PLCB4: variants seen among roughly 807,000 people sequenced by gnomAD.
The protein encoded by PLCB4 is phospholipase C beta 4.
Under a neutral mutation model 178.8 loss-of-function variants are expected in PLCB4, and 77 were observed. That is an observed-to-expected ratio of 0.43 (90% CI 0.36 to 0.52). The LOEUF is 0.52. Among genes scored for constraint, PLCB4 ranks in the 20% least tolerant of loss-of-function variants. The pLI is 0.00. For synonymous variants in PLCB4, 496 were observed against 490.8 expected, an observed-to-expected ratio of 1.01 and a Z score of -0.14; for missense variants, 1,024 against 1,453.4, an observed-to-expected ratio of 0.70 and a Z score of 4.80.
Position 9,421,329 on chromosome 20 carries a change from A to T in PLCB4, c.2187A>T (p.Lys729Asn). The change falls in exon 27 of 40, where the codon AAA becomes AAT. Residue 729 changes from lysine (K) to asparagine (N), a missense_variant. Lys to Asn is a moderately conservative substitution (Grantham distance 94). Transcript: ENST00000378473. ...VISGQFLSDK[K>N]IGTYVEVDMY... is the part of the protein sequence containing the mutation. ...CAGGTCAATTCTTATCAGATAAGAA[A>T]ATTGGCACCTACGTAGAGGTGGATA... The T allele has an allele frequency of 2.5e-6, 4 of 1,613,824 alleles. No homozygotes were observed. Among genetic ancestry groups the T allele is most frequent in the Non-Finnish European group, 3.4e-6 (4 of 1,179,786 alleles).
intron 2 of PLCB4, among the ~76,000 whole-genome samples, chr20:9,195,055 G>T (rs1420233866): frequency 6.6e-6 from 1 of 152,136 alleles, no homozygotes; most frequent in Non-Finnish European, 1.5e-5. Flanking sequence ...TTCATTTTTA[G>T]TCCAATTTTA....
rs758233650 is a variant in PLCB4 at position 9,438,594 on chromosome 20, A to T, written c.2764+1442A>T. Among the ~76,000 whole-genome samples the T allele has an allele frequency of 2.0e-5, 3 of 152,148 alleles. No homozygotes were observed. In the South Asian group the frequency reaches 6.2e-4, roughly 32 times the overall value. ...CTGTTGCTGATACATCTGGGCAGAA[A>T]TATGCAATTACCAAATCTATATCAG... On this transcript the variant is annotated intron_variant, in intron 30 of 39. Transcript: ENST00000378473.
chr20:9,368,862 G>A (rs1400298780), intron 9 of PLCB4, among the ~76,000 whole-genome samples: 1 of 152,122 alleles, frequency 6.6e-6, no homozygotes, highest in Non-Finnish European at 1.5e-5. Context: ...TTTCTTTTGG[G>A]GAATGGGGGT....
chr20:9,456,627 G>A (rs564271606), intron 33 of PLCB4, among the ~76,000 whole-genome samples: 19 of 152,220 alleles, frequency 1.2e-4, no homozygotes, highest in African/African-American at 4.1e-4. Context: ...GGAATGTTTC[G>A]GCAGTGCTGC....
At position 9,421,331 on chromosome 20, in the gene PLCB4, T is replaced by C; in HGVS notation, c.2189T>C (p.Ile730Thr). The C allele has an allele frequency of 6.2e-7, 1 of 1,613,794 alleles. No homozygotes were observed. The highest frequency in any genetic ancestry group is 8.5e-7 in the Non-Finnish European group (1 of 1,179,778). The change falls in exon 27 of 40, where the codon ATT (isoleucine) becomes ACT (threonine). Residue 730 changes from isoleucine to threonine, a missense_variant. By Grantham distance (89) the Ile-to-Thr change is moderately conservative. Transcript: ENST00000378473. ...GGTCAATTCTTATCAGATAAGAAAA[T>C]TGGCACCTACGTAGAGGTGGATATG... ...ISGQFLSDKKIGTYVEVDMYG... is the reference protein window; with the variant it reads ...ISGQFLSDKKTGTYVEVDMYG...
intron 7 of PLCB4, among the ~76,000 whole-genome samples, chr20:9,342,230 G>A (rs148358486): frequency 2.1e-4 from 32 of 152,178 alleles, no homozygotes; most frequent in African/African-American, 7.0e-4. Context: ...AGCCATCAAA[G>A]TGAAAGTCTT....
intron 2 of PLCB4, among the ~76,000 whole-genome samples, chr20:9,199,475 C>T (rs188396600): frequency 1.3e-4 from 20 of 152,304 alleles, no homozygotes; most frequent in African/African-American, 3.6e-4. Context: ...ATGTTCCCAT[C>T]ACTGATGGAA....
intron 3 of PLCB4, among the ~76,000 whole-genome samples, chr20:9,246,297 C>T (rs1240690004): frequency 6.6e-6 from 1 of 152,116 alleles, no homozygotes; most frequent in African/African-American, 2.4e-5. Flanking sequence ...TTCTCCCTTA[C>T]CACTATACAT....
At chr20:9,380,285 A>AT (rs951947332) in intron 13 of PLCB4, 123 bp downstream of exon 13, 966 of 516,178 alleles carry the variant, frequency 1.9e-3, no homozygotes, top group South Asian at 2.8e-3. Flanking sequence ...ATTGATGACT[A>AT]TTTTTTTTTC....
rs189341047 is a variant in PLCB4 at position 9,475,528 on chromosome 20, G to A, written c.3496-1189G>A. ...CTGACACTTTGAGTCACAAAAGCTT[G>A]GGAAAGCATAGAACATGAAAAGGCT... On this transcript the variant is annotated intron_variant, in intron 38 of 39. Coordinates refer to ENST00000378473, the MANE Select transcript of PLCB4 (RefSeq NM_001377142.1). 3.2e-4 allele frequency among the ~76,000 whole-genome samples: 48 copies of A among 152,246 alleles called. 1 individual carries two copies. The East Asian group carries it at 8.3e-3, about 26-fold the overall frequency.
intron 2 of PLCB4, among the ~76,000 whole-genome samples, chr20:9,201,705 T>C (rs955002564): frequency 2.0e-5 from 3 of 152,158 alleles, no homozygotes; most frequent in Non-Finnish European, 4.4e-5. Context: ...CCTATGAGCA[T>C]GGCTAAAATA....
chr20:9,391,821 C>T lies in PLCB4; in HGVS notation c.1323+1206C>T, dbSNP rs543975620. On this transcript the variant is annotated intron_variant, in intron 17 of 39. Coordinates refer to ENST00000378473, the MANE Select transcript of PLCB4 (RefSeq NM_001377142.1). Reference sequence around the variant, plus strand: ...CCCCTATCCCATGCTTCATCCCTCCCGAGGTGGGATAACCCTGAGCACCTG... The same window carrying T: ...CCCCTATCCCATGCTTCATCCCTCCTGAGGTGGGATAACCCTGAGCACCTG... Among the ~76,000 whole-genome samples, 6 of 152,282 alleles carry T rather than the reference C, an allele frequency of 3.9e-5. No homozygotes were observed. In the East Asian group the frequency reaches 1.2e-3, roughly 29 times the overall value.
At chr20:9,330,728 C>A (rs1045896249) in intron 4 of PLCB4, among the ~76,000 whole-genome samples, 47 of 152,232 alleles carry the variant, frequency 3.1e-4, no homozygotes, top group African/African-American at 1.1e-3. Flanking sequence ...GCATTACCCA[C>A]ATTTCAAGTG....
chr20:9,416,457 A>ATGCT (rs1329898707), intron 25 of PLCB4, among the ~76,000 whole-genome samples: 1 of 152,106 alleles, frequency 6.6e-6, no homozygotes, highest in East Asian at 1.9e-4. Context: ...TGGGGTCCAA[A>ATGCT]TGCTGCCTGT....
At chr20:9,238,592 G>A (rs2094020510) in intron 3 of PLCB4, among the ~76,000 whole-genome samples, 1 of 152,174 alleles carries the variant, frequency 6.6e-6, no homozygotes, top group Non-Finnish European at 1.5e-5. Flanking sequence ...TTTTGATACT[G>A]CAATACCTGT....
At chr20:9,113,633 T>C (rs1342383944) in intron 2 of PLCB4, among the ~76,000 whole-genome samples, 1 of 152,180 alleles carries the variant, frequency 6.6e-6, no homozygotes, top group Non-Finnish European at 1.5e-5. Flanking sequence ...AAATGCTAAA[T>C]TTTATTTGTG....
intron 28 of PLCB4, 90 bp from the exon 29 acceptor site, chr20:9,435,470 T>G: frequency 1.3e-6 from 1 of 761,498 alleles, no homozygotes; most frequent in Non-Finnish European, 2.3e-6. Flanking sequence ...ACAACAGGTA[T>G]CCAGGATTGT....
intron 30 of PLCB4, among the ~76,000 whole-genome samples, chr20:9,440,354 T>A (rs577043885): frequency 6.6e-6 from 1 of 152,222 alleles, no homozygotes; most frequent in Non-Finnish European, 1.5e-5. Context: ...TTCGTGTAAC[T>A]TATTAAATGC....
At chr20:9,200,509 C>T (rs189252141) in intron 2 of PLCB4, among the ~76,000 whole-genome samples, 4 of 152,282 alleles carry the variant, frequency 2.6e-5, no homozygotes, top group Non-Finnish European at 5.9e-5. Context: ...TAGGTCAGAC[C>T]AGGCAACTAC....
Sources: gnomAD v4.1 joint callset for allele counts (sites outside exome capture counted in the v4.1 genomes callset) on GRCh38, gnomAD v4.1.1 for gene constraint, MANE v1.5 for transcripts, NCBI Gene and HGNC (gene_info 2026-07-23, HGNC 2026-07-21) for gene names.